UACA: variants seen among roughly 807,000 people sequenced by gnomAD.
The protein encoded by UACA is uveal autoantigen with coiled-coil domains and ankyrin repeats.
A neutral mutation model predicts 160.5 loss-of-function variants in UACA; 112 were observed. The observed-to-expected ratio is 0.70, with a 90% CI of 0.60 to 0.82. The LOEUF (loss-of-function observed/expected upper bound fraction) is 0.82. Among genes scored for constraint, UACA ranks in the 40% least tolerant of loss-of-function variants. The pLI is 0.00. For synonymous variants in UACA, 557 were observed against 568.4 expected (o/e 0.98, Z 0.29); for missense variants, 1,574 against 1,614.6 (o/e 0.97, Z 0.43).
chr15:70,668,173 G>A lies in UACA; in HGVS notation c.2511C>T (p.Asp837=), dbSNP rs1194746304. ...ATGTGAGAGCGTGTATTTTCTCCTGGTCTTCACCACATTTTTTCTTAAGTT... is the reference window on the plus strand; with the variant it reads ...ATGTGAGAGCGTGTATTTTCTCCTGATCTTCACCACATTTTTTCTTAAGTT... ...LSELKKKCGE[D]QEKIHALTSE... The change falls in exon 16 of 19, where the codon GAC becomes GAT. Residue 837 remains aspartate (D), a synonymous_variant. Transcript: ENST00000322954. 1.9e-6 allele frequency: 3 copies of A among 1,611,694 alleles called. No individual in the cohort carries two copies. The highest frequency in any genetic ancestry group is 1.3e-5 in the African/African-American group (1 of 74,850).
At chr15:70,728,521 C>G (rs1005813526) in intron 1 of UACA, among the ~76,000 whole-genome samples, 1 of 150,404 alleles carries the variant, frequency 6.6e-6, no homozygotes, top group Non-Finnish European at 1.5e-5. Context: ...CGAGATTGCA[C>G]CACTGCACTC....
chr15:70,690,539 G>GT (rs1463539615), intron 4 of UACA, 28 bp from the exon 5 acceptor site: 6 of 1,574,842 alleles, frequency 3.8e-6, no homozygotes, highest in Admixed American at 1.7e-5. Flanking sequence ...ACTTAGTAAA[G>GT]TAGGAGAGTT....
At chr15:70,773,045 CAA>C in the UACA span, among the ~76,000 whole-genome samples, 5 of 88,066 alleles carry the variant, frequency 5.7e-5, no homozygotes, top group Non-Finnish European at 4.5e-5. Flanking sequence ...GACTTCATCT[CAA>C]AAAAAAAAAA....
chr15:70,778,280 AT>A, the UACA span, among the ~76,000 whole-genome samples: 1 of 152,196 alleles, frequency 6.6e-6, no homozygotes, highest in Non-Finnish European at 1.5e-5. Context: ...CAAAGTACTC[AT>A]TTTGTATCAT....
chr15:70,682,875 A>G, intron 8 of UACA, 80 bp from the exon 9 acceptor site: 2 of 828,594 alleles, frequency 2.4e-6, no homozygotes. Flanking sequence ...TATACAATTG[A>G]GTCAATATTA....
At position 70,763,504 on chromosome 15, in the gene UACA, G is replaced by C. The variant is rs1331016285; in HGVS notation, c.-97C>G. 9 of 1,256,114 alleles carry C rather than the reference G, an allele frequency of 7.2e-6. No homozygotes were observed. The highest frequency in any genetic ancestry group is 9.1e-6 in the Non-Finnish European group (9 of 994,262). 77.8% of individuals were successfully genotyped at this position (1,256,114 alleles called of 1,614,324 possible). A position where few individuals can be genotyped will look rare whatever the true frequency, so the allele number is the denominator to read the frequency against. ...AGCGGCTGCAGCAGAGGCGGCGCGGGCTGTACCAGCCCCACCTGCCTGCCA... is the reference window on the plus strand; with the variant it reads ...AGCGGCTGCAGCAGAGGCGGCGCGGCCTGTACCAGCCCCACCTGCCTGCCA... On this transcript the variant is annotated 5_prime_UTR_variant, in exon 1 of 19. Transcript: ENST00000322954.
At chr15:70,659,087 C>T (rs1896585763) in intron 18 of UACA, among the ~76,000 whole-genome samples, 1 of 152,128 alleles carries the variant, frequency 6.6e-6, no homozygotes, top group South Asian at 2.1e-4. Flanking sequence ...TGCTATTTCC[C>T]CACTTGAACT....
intron 3 of UACA, among the ~76,000 whole-genome samples, chr15:70,692,046 A>C (rs1332285176): frequency 6.6e-6 from 1 of 152,204 alleles, no homozygotes; most frequent in Non-Finnish European, 1.5e-5. Flanking sequence ...TATTTTTCCT[A>C]ATTATATTTC....
At chr15:70,706,092 A>G (rs549490790) in intron 1 of UACA, among the ~76,000 whole-genome samples, 1 of 152,302 alleles carries the variant, frequency 6.6e-6, no homozygotes, top group Non-Finnish European at 1.5e-5. Flanking sequence ...CAACTGTATA[A>G]TCTTTATTCC....
chr15:70,708,120 T>G (rs1323929998), intron 1 of UACA, among the ~76,000 whole-genome samples: 3 of 152,216 alleles, frequency 2.0e-5, no homozygotes, highest in African/African-American at 7.2e-5. Context: ...TGTCACATGC[T>G]ACGACATAGA....
chr15:70,727,835 G>GAAGA (rs373269104), intron 1 of UACA, among the ~76,000 whole-genome samples: 8 of 152,262 alleles, frequency 5.3e-5, no homozygotes, highest in African/African-American at 1.9e-4. Flanking sequence ...GCCTTGAAAT[G>GAAGA]AAGAAAGAAA....
intron 1 of UACA, among the ~76,000 whole-genome samples, chr15:70,723,921 C>A (rs1899070708): frequency 6.6e-6 from 1 of 152,200 alleles, no homozygotes; most frequent in Non-Finnish European, 1.5e-5. Flanking sequence ...CGTGAGCCAC[C>A]ACGCCTGGCC....
chr15:70,707,244 T>C (rs982811801), intron 1 of UACA, among the ~76,000 whole-genome samples: 1 of 152,078 alleles, frequency 6.6e-6, no homozygotes, highest in Non-Finnish European at 1.5e-5. Flanking sequence ...AAGAACAAAG[T>C]TGGACCTTTA....
chr15:70,698,319 T>C (rs1380695532), intron 2 of UACA, among the ~76,000 whole-genome samples: 3 of 152,152 alleles, frequency 2.0e-5, no homozygotes, highest in Non-Finnish European at 4.4e-5. Flanking sequence ...CCAAAAAAGA[T>C]TCACTTCATC....
chr15:70,705,266 C>T (rs555576327), intron 1 of UACA, among the ~76,000 whole-genome samples: 1 of 152,226 alleles, frequency 6.6e-6, no homozygotes, highest in South Asian at 2.1e-4. Flanking sequence ...CGGTGGCTCA[C>T]GTCTGTAATC....
intron 9 of UACA, among the ~76,000 whole-genome samples, chr15:70,680,693 C>T (rs1172926519): frequency 6.6e-6 from 1 of 152,148 alleles, no homozygotes; most frequent in Non-Finnish European, 1.5e-5. Context: ...CCACTGCCTC[C>T]ACTATATCCT....
Position 70,682,802 on chromosome 15 carries a change from T to C in UACA, c.785-7A>G, listed in dbSNP as rs1410804831. 1 of 1,556,926 alleles carries C rather than the reference T, an allele frequency of 6.4e-7. No homozygotes were observed. Among genetic ancestry groups the C allele is most frequent in the Non-Finnish European group, 8.7e-7 (1 of 1,154,160 alleles). ...TTCTTCCAAAGTTCTCTCCCTAAGATTTAGAGAAAAAGAGAAACAACAAAA... is the reference window on the plus strand; with the variant it reads ...TTCTTCCAAAGTTCTCTCCCTAAGACTTAGAGAAAAAGAGAAACAACAAAA... On this transcript the variant is annotated splice_region_variant and splice_polypyrimidine_tract_variant and intron_variant, in intron 8 of 18. Transcript: ENST00000322954.
chr15:70,654,774 C>T lies in UACA; in HGVS notation c.*2282G>A, dbSNP rs1896437289. On this transcript the variant is annotated 3_prime_UTR_variant, in exon 19 of 19. Transcript: ENST00000322954. ...TCTTAGACAACGTCACTCTTCTTTC[C>T]TCTTGGCCATATGTTCAGGTCTCAT... The T allele has an allele frequency of 6.6e-6, 1 of 152,216 alleles. No individual in the cohort carries two copies. The highest frequency in any genetic ancestry group is 1.5e-5 in the Non-Finnish European group (1 of 68,046). 9.4% of individuals were successfully genotyped at this position (152,216 alleles called of 1,614,324 possible). A position where few individuals can be genotyped will look rare whatever the true frequency, so the allele number is the denominator to read the frequency against.
intron 1 of UACA, among the ~76,000 whole-genome samples, chr15:70,700,318 T>TATATATATACAC: frequency 7.2e-6 from 1 of 139,822 alleles, no homozygotes; most frequent in African/African-American, 2.9e-5. Context: ...TATATATATA[T>TATATATATACAC]ACACACACAC....
Sources: gnomAD v4.1 joint callset for allele counts (sites outside exome capture counted in the v4.1 genomes callset) on GRCh38, gnomAD v4.1.1 for gene constraint, MANE v1.5 for transcripts, NCBI Gene and HGNC (gene_info 2026-07-23, HGNC 2026-07-21) for gene names.